The following MAP7 variants were observed in gnomAD, a reference collection of about 807,000 sequenced individuals.
MAP7 encodes microtubule associated protein 7.
A neutral mutation model predicts 94.8 loss-of-function variants in MAP7; 52 were observed. That is an observed-to-expected ratio of 0.55 (90% CI 0.44 to 0.69). The LOEUF is 0.69. MAP7 is among the 30% of genes least tolerant of loss of function. The pLI is 0.00. For synonymous variants in MAP7, 350 were observed against 357.0 expected (o/e 0.98, Z 0.22); for missense variants, 940 against 964.6 (o/e 0.97, Z 0.34).
intron 16 of MAP7, among the ~76,000 whole-genome samples, chr6:136,349,275 G>T (rs1788490963): frequency 6.6e-6 from 1 of 152,050 alleles, no homozygotes. Flanking sequence ...ATTTCATAAA[G>T]ATATATTTCA....
At chr6:136,525,977 T>TG in intron 1 of MAP7, 2 of 1,483,096 alleles carry the variant, frequency 1.3e-6, no homozygotes, top group East Asian at 5.0e-5. Context: ...CGCTGCTACT[T>TG]GTTTTTTTTT....
intron 1 of MAP7, among the ~76,000 whole-genome samples, chr6:136,474,330 A>G (rs1172456510): frequency 6.6e-6 from 1 of 152,224 alleles, no homozygotes; most frequent in African/African-American, 2.4e-5. Flanking sequence ...TGCTGTGTAG[A>G]GACTGACTAG....
chr6:136,366,143 T>C (rs748833991), intron 9 of MAP7, 125 bp from the exon 10 acceptor site: 354 of 1,115,020 alleles, frequency 3.2e-4, no homozygotes, highest in Non-Finnish European at 4.2e-4. Flanking sequence ...TTTTATGTGG[T>C]AGATACAGAA....
intron 1 of MAP7, among the ~76,000 whole-genome samples, chr6:136,539,796 T>C (rs544735208): frequency 2.0e-5 from 3 of 152,246 alleles, no homozygotes; most frequent in East Asian, 1.9e-4. Context: ...CTGGGCAACA[T>C]AGAGAAATCT....
At chr6:136,408,673 A>G (rs967624742) in intron 3 of MAP7, among the ~76,000 whole-genome samples, 1 of 152,194 alleles carries the variant, frequency 6.6e-6, no homozygotes, top group African/African-American at 2.4e-5. Flanking sequence ...TTAAAGTTTG[A>G]AAGTTGGTAA....
At chr6:136,382,092 C>T (rs1777969916) in intron 6 of MAP7, among the ~76,000 whole-genome samples, 1 of 152,120 alleles carries the variant, frequency 6.6e-6, no homozygotes, top group Non-Finnish European at 1.5e-5. Flanking sequence ...GACTCTATCA[C>T]CCCAACTAGA....
At chr6:136,357,824 A>G (rs981100823) in intron 15 of MAP7, among the ~76,000 whole-genome samples, 15 of 152,172 alleles carry the variant, frequency 9.9e-5, no homozygotes, top group African/African-American at 3.4e-4. Flanking sequence ...TTATTTTACA[A>G]CCTGGCACAA....
chr6:136,505,299 A>ATG (rs1821162050), intron 1 of MAP7, among the ~76,000 whole-genome samples: 1 of 136,596 alleles, frequency 7.3e-6, no homozygotes, highest in Non-Finnish European at 1.6e-5. Flanking sequence ...ATATATATAT[A>ATG]TATATATATA....
intron 17 of MAP7, among the ~76,000 whole-genome samples, chr6:136,345,571 C>T (rs187704348): frequency 2.1e-3 from 322 of 152,298 alleles, no homozygotes; most frequent in African/African-American, 7.3e-3. Context: ...TGCATGATGT[C>T]GGGTAATGGG....
intron 7 of MAP7, among the ~76,000 whole-genome samples, chr6:136,374,301 T>C (rs1256040116): frequency 6.6e-6 from 1 of 152,210 alleles, no homozygotes; most frequent in Non-Finnish European, 1.5e-5. Flanking sequence ...TTGAAAATAA[T>C]CTTTTCTCAA....
rs116968539 is a variant in MAP7 at position 136,356,547 on chromosome 6, T to C, written c.2015+145A>G. 771 of 628,164 alleles carry C rather than the reference T, an allele frequency of 1.2e-3. 2 individuals carry two copies. Among genetic ancestry groups the C allele is most frequent in the Non-Finnish European group, 1.6e-3 (571 of 353,404 alleles). 38.9% of individuals were successfully genotyped at this position (628,164 alleles called of 1,614,324 possible). On this transcript the variant is annotated intron_variant, in intron 16 of 17. Coordinates refer to ENST00000354570, the MANE Select transcript of MAP7 (RefSeq NM_003980.6). Reference sequence around the variant, plus strand: ...GAGAAAAAAGATATTTCCACTTTCTTGGAGTACAGAATTACTAGCTCAACC... The same window carrying C: ...GAGAAAAAAGATATTTCCACTTTCTCGGAGTACAGAATTACTAGCTCAACC...
chr6:136,509,707 G>A (rs1435473588), intron 1 of MAP7, among the ~76,000 whole-genome samples: 1 of 152,082 alleles, frequency 6.6e-6, no homozygotes, highest in Non-Finnish European at 1.5e-5. Flanking sequence ...ATACATACAT[G>A]CACCACCATG....
At chr6:136,454,657 C>T (rs1802295280) in intron 1 of MAP7, among the ~76,000 whole-genome samples, 1 of 151,520 alleles carries the variant, frequency 6.6e-6, no homozygotes, top group African/African-American at 2.4e-5. Context: ...GAAATCCCAG[C>T]ATTTTGGGAG....
chr6:136,381,877 T>TACAC lies in MAP7; in HGVS notation c.637+1790_637+1793dup, dbSNP rs1156527948. On this transcript the variant is annotated intron_variant, in intron 6 of 17. Transcript: ENST00000354570. ...CTCTACTCCTTACCACTTCTAACCTTACACACACACACACACACACACACA... is the reference window on the plus strand; with the variant it reads ...CTCTACTCCTTACCACTTCTAACCTTACACACACACACACACACACACACACACA... Among the ~76,000 whole-genome samples the TACAC allele has an allele frequency of 3.0e-3, 275 of 93,012 alleles. 2 individuals are homozygous for TACAC. The highest frequency in any genetic ancestry group is 5.3e-3 in the African/African-American group (111 of 21,070). The allele number at this position is 93,012 out of a possible 152,430, so 61.0% of individuals were successfully genotyped here.
At chr6:136,503,784 C>T (rs754966054) in intron 1 of MAP7, among the ~76,000 whole-genome samples, 2 of 152,170 alleles carry the variant, frequency 1.3e-5, no homozygotes, top group Non-Finnish European at 2.9e-5. Context: ...TAGGGACTGC[C>T]ATGAGCTGCA....
intron 9 of MAP7, 90 bp downstream of exon 9, chr6:136,366,237 C>T (rs1794286815): frequency 8.5e-7 from 1 of 1,181,628 alleles, no homozygotes; most frequent in African/African-American, 1.5e-5. Context: ...CAAAGCCAAA[C>T]AGCATGAGAA....
At chr6:136,510,298 C>T (rs575818231) in intron 1 of MAP7, among the ~76,000 whole-genome samples, 1 of 152,222 alleles carries the variant, frequency 6.6e-6, no homozygotes, top group South Asian at 2.1e-4. Flanking sequence ...GTAGAAACGA[C>T]CCACACAGCT....
chr6:136,517,337 G>GAAATT (rs113597523), intron 1 of MAP7, among the ~76,000 whole-genome samples: 17,474 of 152,050 alleles, frequency 0.11, 2,466 homozygotes, highest in African/African-American at 0.34. Context: ...GTTAAGGAAA[G>GAAATT]AGATTAGGGA....
At chr6:136,529,438 G>A (rs1212394651) in intron 1 of MAP7, among the ~76,000 whole-genome samples, 1 of 152,134 alleles carries the variant, frequency 6.6e-6, no homozygotes, top group Non-Finnish European at 1.5e-5. Flanking sequence ...CTCTTCTCCA[G>A]CACTAAGGAG....
Sources: allele counts gnomAD v4.1 joint callset (sites outside exome capture counted in the v4.1 genomes callset), GRCh38; gene constraint gnomAD v4.1.1; transcripts MANE v1.5; gene names NCBI Gene and HGNC (gene_info 2026-07-23, HGNC 2026-07-21).